SASH1: variants seen among roughly 807,000 people sequenced by gnomAD.
The protein encoded by SASH1 is SAM and SH3 domain-containing protein 1.
In SASH1, 44 loss-of-function variants were observed where a neutral mutation model predicts 125.2. The ratio of observed to expected loss-of-function variants is 0.35; its 90% CI spans 0.28 to 0.45. SASH1 has a LOEUF of 0.45. SASH1 is among the 20% of genes least tolerant of loss of function. SASH1 has a pLI of 1.00. For synonymous variants in SASH1, 639 were observed against 649.1 expected (o/e 0.98, Z 0.24); for missense variants, 1,426 against 1,614.5 (o/e 0.88, Z 2.00).
chr6:148,307,033 TTTCTTTC>T, intron 1 of SASH1, among the ~76,000 whole-genome samples: 1 of 44,764 alleles, frequency 2.2e-5, no homozygotes, highest in East Asian at 6.4e-4. Context: ...CTTTTCTTTC[TTTCTTTC>T]TTTCTTTCTT....
Position 148,544,353 on chromosome 6 carries a change from C to T in SASH1, c.2883C>T (p.His961=). 1 of 1,614,152 alleles carries T rather than the reference C, an allele frequency of 6.2e-7. No homozygotes were observed. The highest frequency in any genetic ancestry group is 2.2e-5 in the East Asian group (1 of 44,872). The change falls in exon 18 of 20, where the codon CAC becomes CAT. Residue 961 remains histidine, a synonymous_variant. Transcript: ENST00000367467. The surrounding 1 kb of genome is among the most constrained non-coding windows in gnomAD (Gnocchi z 6.4). ...AAGGACACGAGTTTGAAGGAACACA[C>T]CATCCCCTGGGCACCAAAGAAGGGG... ...HRKGHEFEGT[H]HPLGTKEGVD...
chr6:148,461,391 G>A (rs1375342903), intron 4 of SASH1, among the ~76,000 whole-genome samples: 1 of 152,206 alleles, frequency 6.6e-6, no homozygotes, highest in African/African-American at 2.4e-5. Context: ...TGACCGGCTT[G>A]ACAAAATGTC....
At chr6:148,421,218 A>AAAC in intron 2 of SASH1, among the ~76,000 whole-genome samples, 1 of 151,540 alleles carries the variant, frequency 6.6e-6, no homozygotes, top group Admixed American at 6.6e-5. Flanking sequence ...AGAAAGAAAA[A>AAAC]GAAAGAAAGA....
intron 1 of SASH1, among the ~76,000 whole-genome samples, chr6:148,287,708 G>GGT (rs1779522425): frequency 6.6e-6 from 1 of 150,816 alleles, no homozygotes; most frequent in East Asian, 1.9e-4. Context: ...GGGGTGGGGG[G>GGT]TGGTATTCCT....
rs181391486 is a variant in SASH1, at chr6:148,522,591, G to A, written c.1209+2698G>A. Among the ~76,000 whole-genome samples the A allele has an allele frequency of 6.8e-4, 104 of 152,300 alleles. 1 individual carries two copies. The highest frequency in any genetic ancestry group is 1.2e-3 in the Non-Finnish European group (83 of 68,012). Reference sequence around the variant, plus strand: ...TTGGTCATTCAATTTTTGTTTGAGAGAACAGACATGCATGACATTTTGCAA... The same window carrying A: ...TTGGTCATTCAATTTTTGTTTGAGAAAACAGACATGCATGACATTTTGCAA... On this transcript the variant is annotated intron_variant, in intron 10 of 19. Coordinates refer to ENST00000367467, the MANE Select transcript of SASH1 (RefSeq NM_015278.5).
intron 1 of SASH1, among the ~76,000 whole-genome samples, chr6:148,383,236 C>T (rs573305701): frequency 4.3e-4 from 66 of 152,168 alleles, no homozygotes; most frequent in African/African-American, 1.5e-3. Flanking sequence ...TTTAAACAAG[C>T]TAATTAAGGG....
chr6:148,478,122 G>T (rs1324284315), intron 7 of SASH1, among the ~76,000 whole-genome samples: 1 of 152,128 alleles, frequency 6.6e-6, no homozygotes, highest in Non-Finnish European at 1.5e-5. Context: ...ACAGTATGGA[G>T]GTTCCTCACA....
chr6:148,242,137 C>G, the SASH1 span, among the ~76,000 whole-genome samples: 3 of 152,214 alleles, frequency 2.0e-5, no homozygotes, highest in African/African-American at 4.8e-5. Context: ...TGTAGTCAAC[C>G]AGTCTCTTGC....
chr6:148,383,952 C>T (rs114120904), intron 1 of SASH1, among the ~76,000 whole-genome samples: 135 of 152,226 alleles, frequency 8.9e-4, no homozygotes, highest in African/African-American at 3.0e-3. Flanking sequence ...GTGTTTGGGA[C>T]AAAGATGCTC....
At chr6:148,413,754 T>C (rs1784715362) in intron 2 of SASH1, among the ~76,000 whole-genome samples, 1 of 152,116 alleles carries the variant, frequency 6.6e-6, no homozygotes, top group South Asian at 2.1e-4. Context: ...CCACCCTACC[T>C]TCCTTCCTCC....
chr6:148,541,458 G>A (rs1371910069), intron 17 of SASH1, among the ~76,000 whole-genome samples: 1 of 151,972 alleles, frequency 6.6e-6, no homozygotes, highest in Non-Finnish European at 1.5e-5. Flanking sequence ...CTAAGATAAA[G>A]GTTAGTATTG....
At chr6:148,539,497 C>T (rs556296594) in intron 16 of SASH1, among the ~76,000 whole-genome samples, 161 of 152,278 alleles carry the variant, frequency 1.1e-3, no homozygotes, top group African/African-American at 3.7e-3. Context: ...AGAATAATGG[C>T]CTCCAGGTCC....
chr6:148,433,955 G>T (rs1406165327), intron 2 of SASH1, among the ~76,000 whole-genome samples: 8 of 151,322 alleles, frequency 5.3e-5, no homozygotes, highest in African/African-American at 9.7e-5. Flanking sequence ...ATTGAAAAAG[G>T]TTATAAATTG....
chr6:148,406,733 AG>A (rs1784389596), intron 2 of SASH1, among the ~76,000 whole-genome samples: 1 of 151,874 alleles, frequency 6.6e-6, no homozygotes, highest in African/African-American at 2.4e-5. Context: ...AGGAGCAGAG[AG>A]AATCAAGCTC....
At chr6:148,357,091 G>T (rs551057727) in intron 1 of SASH1, among the ~76,000 whole-genome samples, 1 of 152,156 alleles carries the variant, frequency 6.6e-6, no homozygotes, top group South Asian at 2.1e-4. Context: ...TTAGTTCTTT[G>T]TTGGGTGTAT....
At chr6:148,229,147 A>AAC in the SASH1 span, among the ~76,000 whole-genome samples, 135 of 141,776 alleles carry the variant, frequency 9.5e-4, no homozygotes, top group African/African-American at 3.4e-3. Context: ...AAAAAAAAAA[A>AAC]AAAAAAAAAA....
intron 7 of SASH1, among the ~76,000 whole-genome samples, chr6:148,484,724 T>G (rs930311899): frequency 2.0e-5 from 3 of 152,152 alleles, no homozygotes; most frequent in Admixed American, 1.3e-4. Flanking sequence ...GTGGATCACT[T>G]GAGCCCAGGA....
the SASH1 span, among the ~76,000 whole-genome samples, chr6:148,231,764 T>A: frequency 1.3e-5 from 2 of 152,094 alleles, no homozygotes; most frequent in Non-Finnish European, 2.9e-5. Flanking sequence ...ATAACTCACA[T>A]TTTCTCACAC....
At chr6:148,447,635 T>G (rs548659842) in intron 4 of SASH1, among the ~76,000 whole-genome samples, 1 of 151,792 alleles carries the variant, frequency 6.6e-6, no homozygotes, top group South Asian at 2.1e-4. Flanking sequence ...TTCCTTCTCC[T>G]CCTCCTCCTC....
Sources: gnomAD v4.1 joint callset for allele counts (sites outside exome capture counted in the v4.1 genomes callset) on GRCh38, gnomAD v4.1.1 for gene constraint, Gnocchi (gnomAD v3.1) non-coding constraint, MANE v1.5 for transcripts, NCBI Gene and HGNC (gene_info 2026-07-23, HGNC 2026-07-21) for gene names.